SNTG1: variants seen among roughly 807,000 people sequenced by gnomAD.
SNTG1 encodes the protein gamma-1-syntrophin.
Under a neutral mutation model 74.7 loss-of-function variants are expected in SNTG1, and 39 were observed. The observed-to-expected ratio is 0.52, with a 90% CI of 0.40 to 0.68. The LOEUF is 0.68. Ranked by LOEUF, SNTG1 falls within the 30% of genes least tolerant of loss-of-function variation. The probability of loss-of-function intolerance (pLI) is 0.00; values close to 1 mark genes in which losing one functional copy is unlikely to be tolerated. For synonymous variants in SNTG1, 254 were observed against 217.1 expected, an observed-to-expected ratio of 1.17 and a Z score of -1.49; for missense variants, 685 against 609.5, an observed-to-expected ratio of 1.12 and a Z score of -1.30.
Position 50,536,761 on chromosome 8 carries a change from A to G in SNTG1, c.633A>G (p.Leu211=), listed in dbSNP as rs34041945. 5.0e-4 allele frequency: 815 copies of G among 1,614,004 alleles called. 3 individuals are homozygous for G. The African/African-American group carries it at 9.8e-3, about 19-fold the overall frequency. ...KRWCDLRLIP[L]LHSRFSQYVP... is the part of the protein sequence containing the mutation. ...GGTGCGACCTCAGACTGATCCCTCT[A>G]CTTCATTCGCGCTTCTCTCAGTATG... The change falls in exon 11 of 19, where the codon CTA becomes CTG. Residue 211 remains leucine, a synonymous_variant. Transcript: ENST00000642720.
At chr8:50,529,294 G>A (rs1375226901) in intron 9 of SNTG1, among the ~76,000 whole-genome samples, 1 of 151,920 alleles carries the variant, frequency 6.6e-6, no homozygotes, top group Non-Finnish European at 1.5e-5. Context: ...TAGCGAGAAA[G>A]CCTATATTTC....
intron 11 of SNTG1, among the ~76,000 whole-genome samples, chr8:50,552,003 T>A (rs2094430155): frequency 2.0e-5 from 3 of 152,168 alleles, no homozygotes; most frequent in African/African-American, 7.2e-5. Flanking sequence ...ATAAACTCTG[T>A]TTTATATCCA....
chr8:50,019,578 T>C (rs1816637528), intron 1 of SNTG1, among the ~76,000 whole-genome samples: 1 of 152,102 alleles, frequency 6.6e-6, no homozygotes, highest in Non-Finnish European at 1.5e-5. Context: ...CATGTGCCCA[T>C]TCATTCATGT....
chr8:50,483,119 TGGG>T (rs1169250270), intron 8 of SNTG1, among the ~76,000 whole-genome samples: 3 of 152,170 alleles, frequency 2.0e-5, no homozygotes, highest in Non-Finnish European at 2.9e-5. Flanking sequence ...ATAAGTAAAA[TGGG>T]GGCATAAATT....
At chr8:50,559,023 G>A (rs2094472268) in intron 12 of SNTG1, among the ~76,000 whole-genome samples, 1 of 152,096 alleles carries the variant, frequency 6.6e-6, no homozygotes, top group Admixed American at 6.6e-5. Context: ...TGTTACAAAG[G>A]TGTATTTTGT....
intron 1 of SNTG1, among the ~76,000 whole-genome samples, chr8:49,992,639 T>A (rs1443396682): frequency 1.3e-5 from 2 of 152,272 alleles, no homozygotes; most frequent in South Asian, 2.1e-4. Context: ...GAAACTTAAA[T>A]TGCCTTTCAT....
chr8:50,753,220 C>T (rs962336505), intron 18 of SNTG1, among the ~76,000 whole-genome samples: 2 of 151,958 alleles, frequency 1.3e-5, no homozygotes, highest in Non-Finnish European at 2.9e-5. Flanking sequence ...CTCTACCTCT[C>T]GCTACTGCTC....
intron 2 of SNTG1, among the ~76,000 whole-genome samples, chr8:50,288,650 T>G (rs958113757): frequency 3.9e-5 from 6 of 152,124 alleles, no homozygotes; most frequent in Admixed American, 2.0e-4. Context: ...TTTCATGGGA[T>G]CAGTTTTGTG....
chr8:50,645,005 C>T (rs1348385707), intron 13 of SNTG1, among the ~76,000 whole-genome samples: 1 of 151,532 alleles, frequency 6.6e-6, no homozygotes, highest in East Asian at 1.9e-4. Flanking sequence ...ATCTGCCCAC[C>T]TTGGCCGCCC....
chr8:50,530,251 A>G lies in SNTG1; in HGVS notation c.541A>G (p.Asn181Asp). 6.2e-7 allele frequency: 1 copy of G among 1,613,730 alleles called. No individual in the cohort carries two copies. Among genetic ancestry groups the G allele is most frequent in the South Asian group, 1.1e-5 (1 of 91,076 alleles). ...DSGLHLNYHP[N>D]NTDTLSCSSW... ...TGGCTTACATCTCAACTACCATCCC[A>G]ACAATACAGTAAGATGACCCAGGCA... The change falls in exon 10 of 19, where the codon AAC becomes GAC. Residue 181 changes from asparagine (N) to aspartate (D), a missense_variant. Asn to Asp is a conservative substitution (Grantham distance 23, BLOSUM62 1). Coordinates refer to ENST00000642720, the MANE Select transcript of SNTG1 (RefSeq NM_018967.5).
intron 9 of SNTG1, among the ~76,000 whole-genome samples, chr8:50,507,409 C>T (rs1421028719): frequency 1.3e-5 from 2 of 152,004 alleles, no homozygotes; most frequent in African/African-American, 4.8e-5. Context: ...GTGCTAATTC[C>T]TCTTTAAATG....
chr8:49,916,856 A>C (rs1488991118), intron 1 of SNTG1, among the ~76,000 whole-genome samples: 2 of 151,642 alleles, frequency 1.3e-5, no homozygotes, highest in Non-Finnish European at 1.5e-5. Context: ...AGAAAAAAAA[A>C]ACATAAAAAA....
At chr8:50,458,526 T>C (rs1002941774) in intron 8 of SNTG1, among the ~76,000 whole-genome samples, 3 of 151,982 alleles carry the variant, frequency 2.0e-5, no homozygotes, top group African/African-American at 4.8e-5. Flanking sequence ...AAATAAAATA[T>C]TACATGAAAT....
intron 2 of SNTG1, among the ~76,000 whole-genome samples, chr8:50,228,677 C>A (rs1237505192): frequency 6.6e-6 from 1 of 151,794 alleles, no homozygotes; most frequent in Non-Finnish European, 1.5e-5. Context: ...TCTCTATGTT[C>A]TGCAAAACTA....
At chr8:50,645,604 A>G (rs772159050) in intron 13 of SNTG1, among the ~76,000 whole-genome samples, 6 of 152,132 alleles carry the variant, frequency 3.9e-5, no homozygotes, top group Non-Finnish European at 8.8e-5. Flanking sequence ...CTTCCTCCAG[A>G]GAGAATTTAC....
chr8:50,240,230 G>T (rs1017615078), intron 2 of SNTG1, among the ~76,000 whole-genome samples: 2 of 152,138 alleles, frequency 1.3e-5, no homozygotes, highest in African/African-American at 4.8e-5. Flanking sequence ...CTCCTGAAAT[G>T]CAGGCAAGGC....
At chr8:50,490,171 T>C (rs980643345) in intron 8 of SNTG1, among the ~76,000 whole-genome samples, 3 of 152,232 alleles carry the variant, frequency 2.0e-5, no homozygotes, top group African/African-American at 4.8e-5. Context: ...TTGGTTACTG[T>C]AGCCTTGTAC....
chr8:50,192,987 C>T (rs776370007), intron 2 of SNTG1, among the ~76,000 whole-genome samples: 1 of 152,026 alleles, frequency 6.6e-6, no homozygotes, highest in Admixed American at 6.6e-5. Flanking sequence ...TCTGGATTCT[C>T]TATTCTGTTT....
chr8:50,601,766 T>C (rs925774984), intron 13 of SNTG1, among the ~76,000 whole-genome samples: 4 of 152,160 alleles, frequency 2.6e-5, no homozygotes, highest in Admixed American at 6.5e-5. Flanking sequence ...CTCTCTTTTT[T>C]ACTTTAATAA....
Sources: gnomAD v4.1 joint callset for allele counts (sites outside exome capture counted in the v4.1 genomes callset) on GRCh38, gnomAD v4.1.1 for gene constraint, MANE v1.5 for transcripts, NCBI Gene and HGNC (gene_info 2026-07-23, HGNC 2026-07-21) for gene names.